CAPN7: variants seen among roughly 807,000 people sequenced by gnomAD.
CAPN7 encodes calpain-7.
Under a neutral mutation model 115.2 loss-of-function variants are expected in CAPN7, and 72 were observed. The ratio of observed to expected loss-of-function variants is 0.63; its 90% confidence interval spans 0.52 to 0.76. CAPN7 has a LOEUF of 0.76. Ranked by LOEUF, CAPN7 falls within the 30% of genes least tolerant of loss-of-function variation. The pLI is 0.00. For synonymous variants in CAPN7, 344 were observed against 322.3 expected (o/e 1.07, Z -0.72); for missense variants, 905 against 971.5 (o/e 0.93, Z 0.91).
chr3:15,229,602 T>C (rs59323245), intron 8 of CAPN7, among the ~76,000 whole-genome samples: 13,918 of 123,264 alleles, frequency 0.11, 2,792 homozygotes, highest in African/African-American at 0.43. Flanking sequence ...AGACAAAGAA[T>C]TTCGCTCTTG....
chr3:15,252,270 C>A lies in CAPN7; in HGVS notation c.*1010C>A, dbSNP rs1472043611. On this transcript the variant is annotated 3_prime_UTR_variant, in exon 21 of 21. Transcript: ENST00000253693. ...CAAAACTTATTTTGTATTGCTACTA[C>A]CTTAAATTGAAATAAAATGTTTATA... The A allele has an allele frequency of 6.6e-6, 1 of 152,444 alleles. No homozygotes were observed. The highest frequency in any genetic ancestry group is 1.9e-4 in the East Asian group (1 of 5,200). The allele number at this position is 152,444 out of a possible 1,614,324, so 9.4% of individuals were successfully genotyped here.
Position 15,229,561 on chromosome 3 carries a change from CTT to C in CAPN7, c.938+529_938+530del, listed in dbSNP as rs566957976. 2.3e-3 allele frequency among the ~76,000 whole-genome samples: 200 copies of C among 87,856 alleles called. 5 individuals are homozygous for C. Among genetic ancestry groups the C allele is most frequent in the Middle Eastern group, 7.8e-3 (1 of 128 alleles). The allele number at this position is 87,856 out of a possible 152,430, so 57.6% of individuals were successfully genotyped here. A position where few individuals can be genotyped will look rare whatever the true frequency, so the allele number is the denominator to read the frequency against. ...CATCAAAATTGGTTTTACTTTTTTT[CTT>C]TTTTTTTTTTTTTTTTTTTTTTTTT... is the stretch of plus-strand genomic sequence containing the variant. On this transcript the variant is annotated intron_variant, in intron 8 of 20. Transcript: ENST00000253693.
At chr3:15,218,411 T>C (rs529734273) in intron 3 of CAPN7, 62 bp from the exon 4 acceptor site, 55 of 1,279,984 alleles carry the variant, frequency 4.3e-5, no homozygotes, top group African/African-American at 3.4e-4. Flanking sequence ...CTTAGAAATA[T>C]GGATCAAGCA....
chr3:15,244,880 C>T (rs1474612410), intron 16 of CAPN7, among the ~76,000 whole-genome samples: 1 of 151,918 alleles, frequency 6.6e-6, no homozygotes, highest in African/African-American at 2.4e-5. Flanking sequence ...CTGTATAGAA[C>T]AACATAGCTC....
intron 2 of CAPN7, among the ~76,000 whole-genome samples, chr3:15,213,435 A>G (rs776692440): frequency 7.9e-5 from 12 of 152,254 alleles, no homozygotes; most frequent in Non-Finnish European, 1.5e-4. Context: ...AACAGTGTCA[A>G]CATTGCACTA....
rs1028201232 is a variant in CAPN7 at position 15,212,276 on chromosome 3, C to G, written c.211+64C>G. ...CTTTTCTCCCATCATGTCTTTCCCCCATGTTTGTTTCTCTTCTTCATTTTT... is the reference window on the plus strand; with the variant it reads ...CTTTTCTCCCATCATGTCTTTCCCCGATGTTTGTTTCTCTTCTTCATTTTT... On this transcript the variant is annotated intron_variant, in intron 2 of 20. Coordinates refer to ENST00000253693, the MANE Select transcript of CAPN7 (RefSeq NM_014296.3). The G allele has an allele frequency of 2.9e-5, 25 of 861,880 alleles. No individual in the cohort carries two copies. In the African/African-American group the frequency reaches 3.8e-4, roughly 13 times the overall value. 53.4% of individuals were successfully genotyped at this position (861,880 alleles called of 1,614,324 possible).
Position 15,251,413 on chromosome 3 carries a change from T to G in CAPN7, c.*153T>G. On this transcript the variant is annotated 3_prime_UTR_variant, in exon 21 of 21. Transcript: ENST00000253693. Reference sequence around the variant, plus strand: ...GGAATCTGGTGCTTGTCAGGGTGTTTGGTAAGAACTGTATATAGTCAGAAT... The same window carrying G: ...GGAATCTGGTGCTTGTCAGGGTGTTGGGTAAGAACTGTATATAGTCAGAAT... The G allele has an allele frequency of 1.6e-6, 1 of 633,448 alleles. No homozygotes were observed. Among genetic ancestry groups the G allele is most frequent in the Non-Finnish European group, 2.7e-6 (1 of 375,254 alleles). 39.2% of individuals were successfully genotyped at this position (633,448 alleles called of 1,614,324 possible).
intron 2 of CAPN7, among the ~76,000 whole-genome samples, chr3:15,216,043 G>A (rs902530785): frequency 2.6e-5 from 4 of 151,914 alleles, no homozygotes; most frequent in Admixed American, 1.3e-4. Context: ...AGCTGAGATC[G>A]CACCACTGCA....
chr3:15,241,301 C>G, intron 14 of CAPN7, 152 bp from the exon 15 acceptor site: 1 of 648,630 alleles, frequency 1.5e-6, no homozygotes, highest in Non-Finnish European at 2.7e-6. Flanking sequence ...TAGTTGTTTT[C>G]TTTCCATGCT....
In CAPN7 at chr3:15,206,538, C is replaced by A. The variant is rs868328804; in HGVS notation, c.43C>A (p.Arg15Ser). The change falls in exon 1 of 21, where the codon CGT (arginine) becomes AGT (serine). Residue 15 changes from arginine to serine, a missense_variant. Transcript: ENST00000253693. ...ALERDAVQFA[R>S]LAVQRDHEGR... is the part of the protein sequence containing the mutation. ...GGAGCGGGACGCTGTGCAGTTCGCCCGTCTGGCGGTTCAGCGCGACCACGA... is the reference window on the plus strand; with the variant it reads ...GGAGCGGGACGCTGTGCAGTTCGCCAGTCTGGCGGTTCAGCGCGACCACGA... 1.3e-6 allele frequency: 2 copies of A among 1,556,520 alleles called. No individual in the cohort carries two copies. Among genetic ancestry groups the A allele is most frequent in the East Asian group, 2.4e-5 (1 of 41,468 alleles).
chr3:15,227,895 G>A lies in CAPN7; in HGVS notation c.782G>A (p.Trp261Ter), dbSNP rs1465374413. 1 of 1,550,496 alleles carries A rather than the reference G, an allele frequency of 6.4e-7. No individual in the cohort carries two copies. Among genetic ancestry groups the A allele is most frequent in the Non-Finnish European group, 8.7e-7 (1 of 1,146,214 alleles). ...SPKQKTTFSK[W>*]VRPEDLTNNP... ...AAACAAAAAACTACATTTTCCAAGTGGGTACGACCAGAAGACCTCACCAAC... is the reference window on the plus strand; with the variant it reads ...AAACAAAAAACTACATTTTCCAAGTAGGTACGACCAGAAGACCTCACCAAC... The change falls in exon 7 of 21, where the codon TGG (tryptophan) becomes TAG (stop). Residue 261 changes from tryptophan to a stop codon, truncating the protein, a stop_gained. Coordinates refer to ENST00000253693, the MANE Select transcript of CAPN7 (RefSeq NM_014296.3). LOFTEE classifies it high-confidence loss of function.
In CAPN7 at chr3:15,251,132, C is replaced by T; in HGVS notation, c.2314C>T (p.Leu772=). 1 of 1,606,166 alleles carries T rather than the reference C, an allele frequency of 6.2e-7. No homozygotes were observed. The highest frequency in any genetic ancestry group is 8.5e-7 in the Non-Finnish European group (1 of 1,176,418). The change falls in exon 21 of 21, where the codon CTG becomes TTG. Residue 772 remains leucine, a synonymous_variant. Transcript: ENST00000253693. ...SGDYRCGFCY[L]ELENIPSGIF... is the part of the protein sequence containing the mutation. ...TAAATATAGGTGTGGGTTTTGCTACCTGGAATTAGAAAATATACCTTCTGG... is the reference window on the plus strand; with the variant it reads ...TAAATATAGGTGTGGGTTTTGCTACTTGGAATTAGAAAATATACCTTCTGG...
chr3:15,248,009 A>C (rs1454667197), intron 19 of CAPN7, among the ~76,000 whole-genome samples: 2 of 147,496 alleles, frequency 1.4e-5, no homozygotes, highest in Non-Finnish European at 2.9e-5. Context: ...GGAATATCAC[A>C]CTCTGGGGAC....
chr3:15,246,216 G>T (rs1695650243), intron 17 of CAPN7: 1 of 154,748 alleles, frequency 6.5e-6, no homozygotes, highest in South Asian at 2.0e-4. Flanking sequence ...GGGATTACTG[G>T]TGTCAGCCAC....
intron 16 of CAPN7, among the ~76,000 whole-genome samples, chr3:15,244,487 G>A (rs925963592): frequency 2.0e-5 from 3 of 152,144 alleles, no homozygotes; most frequent in African/African-American, 7.2e-5. Flanking sequence ...TAAAAACCTT[G>A]TTCAAGATCC....
intron 4 of CAPN7, among the ~76,000 whole-genome samples, chr3:15,219,554 C>T (rs968397249): frequency 2.0e-5 from 3 of 152,308 alleles, no homozygotes; most frequent in East Asian, 1.9e-4. Flanking sequence ...GACTTTATTA[C>T]GTCTGTGGCT....
chr3:15,220,017 G>A (rs1013937793), intron 4 of CAPN7, among the ~76,000 whole-genome samples: 7 of 151,902 alleles, frequency 4.6e-5, no homozygotes, highest in Admixed American at 3.3e-4. Flanking sequence ...CCTGGCCAAC[G>A]TGGCGAAACC....
Position 15,230,474 on chromosome 3 carries a change from C to T in CAPN7, c.971C>T (p.Pro324Leu). The change falls in exon 9 of 21, where the codon CCA becomes CTA. Residue 324 changes from proline (P) to leucine (L), a missense_variant. Transcript: ENST00000253693. ...TACCCTCAAAACAAGGATGGTGAACCAGAATACAATCCATGTGGGAAGTAT... is the reference window on the plus strand; with the variant it reads ...TACCCTCAAAACAAGGATGGTGAACTAGAATACAATCCATGTGGGAAGTAT... ...IIYPQNKDGE[P>L]EYNPCGKYMV... 4 of 1,612,580 alleles carry T rather than the reference C, an allele frequency of 2.5e-6. No individual in the cohort carries two copies. The highest frequency in any genetic ancestry group is 3.4e-6 in the Non-Finnish European group (4 of 1,178,876).
intron 6 of CAPN7, among the ~76,000 whole-genome samples, chr3:15,227,588 A>G (rs929670362): frequency 1.3e-5 from 2 of 152,230 alleles, no homozygotes; most frequent in South Asian, 4.1e-4. Flanking sequence ...TTAAAAAATT[A>G]TATTCTTAAA....
Sources: gnomAD v4.1 joint callset for allele counts (sites outside exome capture counted in the v4.1 genomes callset) on GRCh38, gnomAD v4.1.1 for gene constraint, MANE v1.5 for transcripts, NCBI Gene and HGNC (gene_info 2026-07-23, HGNC 2026-07-21) for gene names.